ZCCHC14: variants seen among roughly 807,000 people sequenced by gnomAD.
ZCCHC14 encodes zinc finger CCHC domain-containing protein 14.
ZCCHC14 carries 16 observed loss-of-function variants against 85.0 expected under a neutral mutation model. That is an observed-to-expected ratio of 0.19 (90% CI 0.13 to 0.29). ZCCHC14 has a LOEUF of 0.29. Among genes scored for constraint, ZCCHC14 ranks in the 10% least tolerant of loss-of-function variants. The probability of loss-of-function intolerance (pLI) is 1.00; values close to 1 mark genes in which losing one functional copy is unlikely to be tolerated. For missense variants in ZCCHC14, 1,303 were observed against 1,443.5 expected, an observed-to-expected ratio of 0.90 and a Z score of 1.58; for synonymous variants, 775 against 630.7, an observed-to-expected ratio of 1.23 and a Z score of -3.43.
In ZCCHC14 at chr16:87,484,704, C is replaced by T. The variant is rs572670530; in HGVS notation, c.570+6965G>A. 4.6e-5 allele frequency among the ~76,000 whole-genome samples: 7 copies of T among 152,204 alleles called. No homozygotes were observed. The South Asian group carries it at 1.0e-3, about 23-fold the overall frequency. On this transcript the variant is annotated intron_variant, in intron 1 of 12. Coordinates refer to ENST00000671377, the MANE Select transcript of ZCCHC14 (RefSeq NM_015144.3). The stretch of plus-strand genomic sequence containing the variant: ...GCTCAGGGAGGCCTCAGTGGTGAAG[C>T]GACTAAGAGAAGAGGGGCTGGTAGA...
At position 87,413,116 on chromosome 16, in the gene ZCCHC14, G is replaced by A; in HGVS notation, c.1683C>T (p.Ser561=). ...GSSSEYSSSS[S]SPMGVQAREE... ...CCCGGGCCTGTACCCCCATGGGGCT[G>A]GAGGAGGAGCTGGAGTACTCCGAGG... Residue 561 remains serine, a synonymous_variant, in exon 11 of 13, where the codon TCC becomes TCT. Coordinates refer to ENST00000671377, the MANE Select transcript of ZCCHC14 (RefSeq NM_015144.3). 6.2e-7 allele frequency: 1 copy of A among 1,613,798 alleles called. No individual in the cohort carries two copies.
chr16:87,447,800 C>T (rs1435745682), intron 2 of ZCCHC14, among the ~76,000 whole-genome samples: 1 of 152,150 alleles, frequency 6.6e-6, no homozygotes, highest in Non-Finnish European at 1.5e-5. Context: ...ATGGTTGTAC[C>T]ATTTAATCCT....
chr16:87,470,434 T>C (rs1296891150), intron 1 of ZCCHC14: 1 of 131,180 alleles, frequency 7.6e-6, no homozygotes, highest in Non-Finnish European at 1.5e-5. Context: ...AGTCAAATGC[T>C]CATAAAGCTG....
chr16:87,417,845 T>A, intron 7 of ZCCHC14, 103 bp from the exon 8 acceptor site: 1 of 1,383,476 alleles, frequency 7.2e-7, no homozygotes, highest in Non-Finnish European at 9.5e-7. Context: ...AGCCTCTGCC[T>A]CTTGGCCGGC....
In ZCCHC14 at chr16:87,492,047, G is replaced by A. The variant is rs543077895; in HGVS notation, c.192C>T (p.Ile64=). The change falls in exon 1 of 13, where the codon ATC becomes ATT. Residue 64 remains isoleucine, a synonymous_variant. Transcript: ENST00000671377. This position sits in a 1 kb window ranked among gnomAD's most constrained non-coding sequence, Gnocchi z 6.7. The part of the protein sequence containing the change: ...KDYHSLRDSE[I]KANNPADLGS... ...CCAGGTCGGCCGGGTTGTTGGCCTTGATCTCCGAGTCGCGCAGCGAGTGGT... is the reference window on the plus strand; with the variant it reads ...CCAGGTCGGCCGGGTTGTTGGCCTTAATCTCCGAGTCGCGCAGCGAGTGGT... The A allele has an allele frequency of 3.0e-3, 4,191 of 1,394,786 alleles. 12 individuals carry two copies. The highest frequency in any genetic ancestry group is 7.0e-3 in the Admixed American group (193 of 27,392). The allele number at this position is 1,394,786 out of a possible 1,614,324, so 86.4% of individuals were successfully genotyped here.
At chr16:87,438,436 T>G (rs926773127) in intron 2 of ZCCHC14, among the ~76,000 whole-genome samples, 5 of 152,254 alleles carry the variant, frequency 3.3e-5, no homozygotes, top group African/African-American at 1.2e-4. Flanking sequence ...TTTACTTTTT[T>G]AGATACAGAG....
chr16:87,407,306 A>G lies in ZCCHC14; in HGVS notation c.*2974T>C, dbSNP rs945520764. The G allele has an allele frequency of 6.6e-6, 1 of 152,256 alleles. No individual in the cohort carries two copies. The highest frequency in any genetic ancestry group is 6.5e-5 in the Admixed American group (1 of 15,282). The allele number at this position is 152,256 out of a possible 1,614,324, so 9.4% of individuals were successfully genotyped here. On this transcript the variant is annotated 3_prime_UTR_variant, in exon 13 of 13. Transcript: ENST00000671377. ...TGACTCCTGTAATCTTTTGGAGATGACAGATGATACTGGTTTTTAAAATAC... is the reference window on the plus strand; with the variant it reads ...TGACTCCTGTAATCTTTTGGAGATGGCAGATGATACTGGTTTTTAAAATAC...
At chr16:87,481,526 C>CT (rs1892658109) in intron 1 of ZCCHC14, among the ~76,000 whole-genome samples, 2 of 2,432 alleles carry the variant, frequency 8.2e-4, no homozygotes, top group Non-Finnish European at 1.6e-3. Context: ...GGGAGAGAAA[C>CT]GGGGGGGGGG....
intron 2 of ZCCHC14, among the ~76,000 whole-genome samples, chr16:87,449,842 C>A (rs554266421): frequency 6.6e-6 from 1 of 152,214 alleles, no homozygotes; most frequent in African/African-American, 2.4e-5. Context: ...CCCAGGAGTT[C>A]AAGACCAGCC....
At chr16:87,464,074 T>A (rs1911403477) in intron 1 of ZCCHC14, among the ~76,000 whole-genome samples, 1 of 152,190 alleles carries the variant, frequency 6.6e-6, no homozygotes, top group Non-Finnish European at 1.5e-5. Context: ...ACACGTGTGA[T>A]CAGTGCGTTC....
chr16:87,488,894 A>G (rs1486739330), intron 1 of ZCCHC14, among the ~76,000 whole-genome samples: 1 of 152,224 alleles, frequency 6.6e-6, no homozygotes, highest in East Asian at 1.9e-4. Flanking sequence ...TAAAAATTCA[A>G]ATTGGATAAA....
chr16:87,410,221 G>A lies in ZCCHC14; in HGVS notation c.*59C>T, dbSNP rs925984327. 2.5e-5 allele frequency: 17 copies of A among 677,314 alleles called. No homozygotes were observed. The highest frequency in any genetic ancestry group is 4.3e-5 in the Non-Finnish European group (16 of 370,432). 42.0% of individuals were successfully genotyped at this position (677,314 alleles called of 1,614,324 possible). The stretch of plus-strand genomic sequence containing the variant: ...AACAGCAACTAGACTTCTCAGTTTT[G>A]TATTTAATTTTCCTTATGTCTCCAT... On this transcript the variant is annotated 3_prime_UTR_variant, in exon 13 of 13. Transcript: ENST00000671377.
rs1320778194 is a variant in ZCCHC14 at position 87,479,937 on chromosome 16, CTTTT to C, written c.570+11728_570+11731del. Among the ~76,000 whole-genome samples the C allele has an allele frequency of 4.6e-5, 7 of 151,502 alleles. No individual in the cohort carries two copies. The South Asian group carries it at 1.0e-3, about 23-fold the overall frequency. ...TTTTGTATGCCAGTTTTTTCTTCTT[CTTTT>C]TCTTTTTTTTTTTAAATAGAGATGG... On this transcript the variant is annotated intron_variant, in intron 1 of 12. Coordinates refer to ENST00000671377, the MANE Select transcript of ZCCHC14 (RefSeq NM_015144.3).
rs1006346853 is a variant in ZCCHC14 at position 87,417,917 on chromosome 16, C to T, written c.1101-175G>A. ...CTGTGCTATGACTGCCCTCCCTCCC[C>T]AACCACCTTTCTGCAGCTAAGATTT... On this transcript the variant is annotated intron_variant, in intron 7 of 12. Coordinates refer to ENST00000671377, the MANE Select transcript of ZCCHC14 (RefSeq NM_015144.3). 1.3e-5 allele frequency: 9 copies of T among 692,380 alleles called. No homozygotes were observed. In the African/African-American group the frequency reaches 1.4e-4, roughly 11 times the overall value. 42.9% of individuals were successfully genotyped at this position (692,380 alleles called of 1,614,324 possible).
At position 87,411,636 on chromosome 16, in the gene ZCCHC14, C is replaced by A. The variant is rs200637893; in HGVS notation, c.3085G>T (p.Val1029Leu). ...TGACTGGAACCATTGCTACTGCCCA[C>A]CAGTCCTTGGGTCTGGTACACCCCT... ...TAGVYQTQGL[V>L]GSSNGSSHKK... Residue 1029 changes from valine to leucine, a missense_variant, in exon 12 of 13, where the codon GTG becomes TTG. Val to Leu is a conservative substitution (Grantham distance 32). Around this residue, in one of 7 missense-constraint regions of ZCCHC14, gnomAD observed 797 missense variants for 730.8 expected, o/e 1.09. Coordinates refer to ENST00000671377, the MANE Select transcript of ZCCHC14 (RefSeq NM_015144.3). 6.2e-7 allele frequency: 1 copy of A among 1,613,940 alleles called. No individual in the cohort carries two copies. The highest frequency in any genetic ancestry group is 8.5e-7 in the Non-Finnish European group (1 of 1,179,972).
intron 2 of ZCCHC14, among the ~76,000 whole-genome samples, chr16:87,451,767 A>C (rs145716838): frequency 5.4e-4 from 82 of 152,360 alleles, no homozygotes; most frequent in African/African-American, 1.8e-3. Context: ...GGGGAGCGTC[A>C]GGAGCTGATA....
chr16:87,474,996 G>T (rs1166611203), intron 1 of ZCCHC14, among the ~76,000 whole-genome samples: 1 of 152,172 alleles, frequency 6.6e-6, no homozygotes, highest in Non-Finnish European at 1.5e-5. Flanking sequence ...AGGATAGAAC[G>T]AAGTCCAGAG....
intron 1 of ZCCHC14, among the ~76,000 whole-genome samples, chr16:87,483,227 G>C (rs1020309501): frequency 6.7e-6 from 1 of 149,216 alleles, no homozygotes; most frequent in Non-Finnish European, 1.5e-5. Context: ...GGAGGCCGAG[G>C]TGGGTGGATC....
chr16:87,490,594 T>C (rs1912708744), intron 1 of ZCCHC14, among the ~76,000 whole-genome samples: 1 of 152,236 alleles, frequency 6.6e-6, no homozygotes, highest in Non-Finnish European at 1.5e-5. Flanking sequence ...TCCGGTTCAA[T>C]TTGGAGACCG....
Sources: gnomAD v4.1 joint callset for allele counts (sites outside exome capture counted in the v4.1 genomes callset) on GRCh38, gnomAD v4.1.1 for gene constraint, gnomAD v4.1.1 regional missense constraint, Gnocchi (gnomAD v3.1) non-coding constraint, MANE v1.5 for transcripts, NCBI Gene and HGNC (gene_info 2026-07-23, HGNC 2026-07-21) for gene names.